Variants in CNTNAP2 observed in about 807,000 individuals in gnomAD.
The protein encoded by CNTNAP2 is contactin-associated protein-like 2.
Under a neutral mutation model 155.2 loss-of-function variants are expected in CNTNAP2, and 98 were observed. That is an observed-to-expected ratio of 0.63 (90% CI 0.54 to 0.75). The LOEUF (loss-of-function observed/expected upper bound fraction) is 0.75, where lower values mean the gene tolerates loss of function less well. Among genes scored for constraint, CNTNAP2 ranks in the 30% least tolerant of loss-of-function variants. The probability of loss-of-function intolerance (pLI) is 0.00; values close to 1 mark genes in which losing one functional copy is unlikely to be tolerated. For missense variants in CNTNAP2, 1,727 were observed against 1,688.1 expected, an observed-to-expected ratio of 1.02 and a Z score of -0.40; for synonymous variants, 651 against 631.2, an observed-to-expected ratio of 1.03 and a Z score of -0.47.
At chr7:146,435,938 AT>A (rs1796237102) in intron 1 of CNTNAP2, among the ~76,000 whole-genome samples, 1 of 152,148 alleles carries the variant, frequency 6.6e-6, no homozygotes, top group Non-Finnish European at 1.5e-5. Context: ...TTGGTAAATG[AT>A]ATGCCAAGAT....
At chr7:147,686,625 G>A (rs1400452160) in intron 13 of CNTNAP2, among the ~76,000 whole-genome samples, 1 of 151,934 alleles carries the variant, frequency 6.6e-6, no homozygotes, top group African/African-American at 2.4e-5. Flanking sequence ...AGTTTGTAGA[G>A]ATGAGAAAAA....
intron 1 of CNTNAP2, among the ~76,000 whole-genome samples, chr7:146,317,679 G>A (rs1800929571): frequency 6.6e-6 from 1 of 152,178 alleles, no homozygotes; most frequent in South Asian, 2.1e-4. Flanking sequence ...TGGTTCTTCT[G>A]TATTGGATCA....
intron 3 of CNTNAP2, among the ~76,000 whole-genome samples, chr7:147,039,959 T>C (rs978567292): frequency 2.0e-5 from 3 of 152,126 alleles, no homozygotes; most frequent in Non-Finnish European, 2.9e-5. Flanking sequence ...ACAAATGGGA[T>C]CTAATTAAAC....
chr7:147,450,172 T>C (rs1215158332), intron 10 of CNTNAP2, among the ~76,000 whole-genome samples: 1 of 152,336 alleles, frequency 6.6e-6, no homozygotes, highest in African/African-American at 2.4e-5. Flanking sequence ...AAGAACGTTT[T>C]TTTCCCACTG....
chr7:148,179,601 G>A (rs970299364), intron 18 of CNTNAP2, among the ~76,000 whole-genome samples: 6 of 143,016 alleles, frequency 4.2e-5, no homozygotes, highest in Non-Finnish European at 7.6e-5. Context: ...GAGAGGGAGG[G>A]AGGGAAGGAG....
At chr7:146,201,758 T>C (rs758197242) in intron 1 of CNTNAP2, among the ~76,000 whole-genome samples, 42 of 152,104 alleles carry the variant, frequency 2.8e-4, no homozygotes, top group Non-Finnish European at 4.6e-4. Context: ...TCATACATAA[T>C]TTTTCTTTAG....
At chr7:148,260,540 T>C (rs1881723) in intron 20 of CNTNAP2, among the ~76,000 whole-genome samples, 87,777 of 152,128 alleles carry the variant, frequency 0.58, 26,098 homozygotes, top group East Asian at 0.78. Context: ...TTATCCCTTG[T>C]TGCAGTGAGG....
intron 3 of CNTNAP2, among the ~76,000 whole-genome samples, chr7:147,041,338 A>G (rs554567120): frequency 2.6e-5 from 4 of 152,258 alleles, no homozygotes; most frequent in African/African-American, 9.6e-5. Flanking sequence ...AAGCGCATCA[A>G]ATCTTTTTGT....
chr7:148,403,032 A>G (rs1799625264), intron 22 of CNTNAP2, among the ~76,000 whole-genome samples: 1 of 42,092 alleles, frequency 2.4e-5, no homozygotes, highest in African/African-American at 1.2e-4. Flanking sequence ...TAGTTAAAAA[A>G]AAAAAAAAAC....
chr7:146,484,323 C>T (rs1379409201), intron 1 of CNTNAP2, among the ~76,000 whole-genome samples: 1 of 152,122 alleles, frequency 6.6e-6, no homozygotes, highest in Non-Finnish European at 1.5e-5. Context: ...CGCAGTCATG[C>T]CCACCAAAAT....
At chr7:146,548,813 T>TC (rs1376887816) in intron 1 of CNTNAP2, among the ~76,000 whole-genome samples, 3 of 151,350 alleles carry the variant, frequency 2.0e-5, no homozygotes, top group Admixed American at 2.0e-4. Context: ...TTTTTTTTTT[T>TC]TCGTTTTGTT....
chr7:147,823,133 G>A (rs895483724), intron 13 of CNTNAP2, among the ~76,000 whole-genome samples: 2 of 151,988 alleles, frequency 1.3e-5, no homozygotes, highest in Non-Finnish European at 2.9e-5. Context: ...TTTCATCCAA[G>A]TCTACACACT....
chr7:148,109,351 G>GTGTTT (rs71188946), intron 15 of CNTNAP2, among the ~76,000 whole-genome samples: 41,343 of 146,946 alleles, frequency 0.28, 6,545 homozygotes, highest in African/African-American at 0.41. Flanking sequence ...AAGAAGAGAG[G>GTGTTT]TGTTTTGTTT....
At chr7:146,708,747 C>A (rs1169464169) in intron 1 of CNTNAP2, among the ~76,000 whole-genome samples, 1 of 151,422 alleles carries the variant, frequency 6.6e-6, no homozygotes, top group Non-Finnish European at 1.5e-5. Context: ...AAGTGTGCAC[C>A]ACCACACATG....
intron 22 of CNTNAP2, among the ~76,000 whole-genome samples, chr7:148,388,363 C>G (rs1025548734): frequency 7.2e-6 from 1 of 139,744 alleles, no homozygotes; most frequent in African/African-American, 2.7e-5. Context: ...TCTCATTGTT[C>G]AATTCCCACC....
intron 13 of CNTNAP2, among the ~76,000 whole-genome samples, chr7:147,757,281 A>G (rs1264132891): frequency 6.6e-6 from 1 of 151,984 alleles, no homozygotes; most frequent in Non-Finnish European, 1.5e-5. Context: ...AGATTGCACT[A>G]TTTTTCTTTT....
chr7:147,565,269 A>G (rs1419797560), intron 12 of CNTNAP2, among the ~76,000 whole-genome samples: 1 of 152,182 alleles, frequency 6.6e-6, no homozygotes, highest in Non-Finnish European at 1.5e-5. Flanking sequence ...TGGCTGGAAC[A>G]TAGTGAGCGT....
Position 146,721,889 on chromosome 7 carries a change from A to ATATATATATATATATATATTTTTTTTTTT in CNTNAP2, c.98-52381_98-52380insATATATATATATATATATTTTTTTTTTTT. On this transcript the variant is annotated intron_variant, in intron 1 of 23. Coordinates refer to ENST00000361727, the MANE Select transcript of CNTNAP2 (RefSeq NM_014141.6). ...TGTGTGTGTGTGTATATATATATATATTTTTTTTTTTTTTTTTGAGATGGA... is the reference window on the plus strand; with the variant it reads ...TGTGTGTGTGTGTATATATATATATATATATATATATATATATATTTTTTTTTTTTTTTTTTTTTTTTTTTTGAGATGGA... 5.7e-5 allele frequency among the ~76,000 whole-genome samples: 4 copies of ATATATATATATATATATATTTTTTTTTTT among 69,738 alleles called. No homozygotes were observed. The African/African-American group carries it at 7.6e-4, about 13-fold the overall frequency. The allele number at this position is 69,738 out of a possible 152,430, so 45.8% of individuals were successfully genotyped here. A position where few individuals can be genotyped will look rare whatever the true frequency, so the allele number is the denominator to read the frequency against.
chr7:147,666,086 C>G (rs1795689286), intron 13 of CNTNAP2, among the ~76,000 whole-genome samples: 1 of 152,154 alleles, frequency 6.6e-6, no homozygotes, highest in Non-Finnish European at 1.5e-5. Flanking sequence ...TTTATTTTAG[C>G]TGTAGGACGA....
Sources: gnomAD v4.1 joint callset for allele counts (sites outside exome capture counted in the v4.1 genomes callset) on GRCh38, gnomAD v4.1.1 for gene constraint, MANE v1.5 for transcripts, NCBI Gene and HGNC (gene_info 2026-07-23, HGNC 2026-07-21) for gene names.